The following NCOA1 variants were observed in gnomAD, a reference collection of about 807,000 sequenced individuals.
NCOA1 encodes the protein nuclear receptor coactivator 1.
In NCOA1, 35 loss-of-function variants were observed where a neutral mutation model predicts 150.9. The ratio of observed to expected loss-of-function variants is 0.23; its 90% CI spans 0.18 to 0.31. The LOEUF is 0.31. Among genes scored for constraint, NCOA1 ranks in the 10% least tolerant of loss-of-function variants. NCOA1 has a pLI of 1.00. For missense variants in NCOA1, 1,491 were observed against 1,749.3 expected, an observed-to-expected ratio of 0.85 and a Z score of 2.63; for synonymous variants, 590 against 630.0, an observed-to-expected ratio of 0.94 and a Z score of 0.95.
chr2:24,695,552 G>A (rs766127642), intron 10 of NCOA1, among the ~76,000 whole-genome samples: 2 of 152,080 alleles, frequency 1.3e-5, no homozygotes, highest in Non-Finnish European at 2.9e-5. Context: ...ATAAATCATA[G>A]AATTGACTTA....
chr2:24,502,111 C>T (rs995018772), intron 1 of NCOA1, among the ~76,000 whole-genome samples: 2 of 152,120 alleles, frequency 1.3e-5, no homozygotes, highest in Non-Finnish European at 2.9e-5. Flanking sequence ...CATCTATATC[C>T]CCCTAACCCC....
intron 10 of NCOA1, among the ~76,000 whole-genome samples, chr2:24,697,258 G>A (rs1672949320): frequency 6.6e-6 from 1 of 152,084 alleles, no homozygotes; most frequent in Non-Finnish European, 1.5e-5. Flanking sequence ...TCTTCACTTA[G>A]TAGTTAGAAA....
intron 1 of NCOA1, among the ~76,000 whole-genome samples, chr2:24,532,844 T>G (rs1447442802): frequency 6.6e-6 from 1 of 152,236 alleles, no homozygotes; most frequent in Non-Finnish European, 1.5e-5. Context: ...CATGCTGTTT[T>G]GGTTACTGTA....
At chr2:24,515,567 CT>C (rs1158074295) in intron 1 of NCOA1, among the ~76,000 whole-genome samples, 1 of 152,116 alleles carries the variant, frequency 6.6e-6, no homozygotes, top group Non-Finnish European at 1.5e-5. Flanking sequence ...TTTATCTCTA[CT>C]TTTGGCATTT....
At chr2:24,598,942 G>A (rs1376361943) in intron 3 of NCOA1, among the ~76,000 whole-genome samples, 2 of 152,048 alleles carry the variant, frequency 1.3e-5, no homozygotes, top group Non-Finnish European at 2.9e-5. Flanking sequence ...CATGTATGAT[G>A]GACTAGAGTG....
intron 1 of NCOA1, among the ~76,000 whole-genome samples, chr2:24,532,961 C>G (rs142301415): frequency 6.6e-6 from 1 of 151,860 alleles, no homozygotes; most frequent in Non-Finnish European, 1.5e-5. Context: ...ATATGAACTT[C>G]AAAGTAGTTT....
At chr2:24,518,946 T>A (rs1469245593) in intron 1 of NCOA1, among the ~76,000 whole-genome samples, 1 of 152,182 alleles carries the variant, frequency 6.6e-6, no homozygotes. Context: ...CTAGCAGGAA[T>A]TTTTTGGTAC....
At chr2:24,601,212 C>CT (rs1191500173) in intron 3 of NCOA1, among the ~76,000 whole-genome samples, 1 of 146,404 alleles carries the variant, frequency 6.8e-6, no homozygotes, top group Non-Finnish European at 1.5e-5. Context: ...TTAACATCTT[C>CT]TGTTTTTTTT....
chr2:24,507,342 A>G (rs1416035674), intron 1 of NCOA1, among the ~76,000 whole-genome samples: 4 of 152,006 alleles, frequency 2.6e-5, no homozygotes, highest in Admixed American at 6.5e-5. Flanking sequence ...ACCTGTCTCC[A>G]CAAGGTGGTT....
chr2:24,527,992 T>C (rs1440603081), intron 1 of NCOA1, among the ~76,000 whole-genome samples: 2 of 152,194 alleles, frequency 1.3e-5, no homozygotes, highest in African/African-American at 4.8e-5. Context: ...TTGAGGTCCT[T>C]TGCCCATTTT....
intron 4 of NCOA1, among the ~76,000 whole-genome samples, chr2:24,649,020 A>G (rs56222238): frequency 0.041 from 6,276 of 152,140 alleles, 162 homozygotes; most frequent in East Asian, 0.13. Context: ...TTTTCTGCCC[A>G]CTATTATCTG....
chr2:24,512,525 A>G (rs547111201), intron 1 of NCOA1, among the ~76,000 whole-genome samples: 27 of 152,340 alleles, frequency 1.8e-4, no homozygotes, highest in African/African-American at 6.5e-4. Context: ...TTCAGTTGGA[A>G]TGTTGCCCTT....
At chr2:24,576,816 C>T (rs926710972) in intron 2 of NCOA1, among the ~76,000 whole-genome samples, 1 of 152,152 alleles carries the variant, frequency 6.6e-6, no homozygotes, top group Non-Finnish European at 1.5e-5. Flanking sequence ...TGATGATAAA[C>T]AGATGATTTC....
intron 1 of NCOA1, among the ~76,000 whole-genome samples, chr2:24,552,321 T>TTTTATATATATATATATATA (rs1262879918): frequency 6.5e-5 from 2 of 30,584 alleles, no homozygotes; most frequent in African/African-American, 3.2e-4. Flanking sequence ...TTCATATATA[T>TTTTATATATATATATATATA]TATATATATA....
chr2:24,602,317 C>G (rs913489949), intron 3 of NCOA1, among the ~76,000 whole-genome samples: 1 of 152,162 alleles, frequency 6.6e-6, no homozygotes, highest in Non-Finnish European at 1.5e-5. Flanking sequence ...TCTCCCACCT[C>G]AGCCTCCCCA....
At chr2:24,629,888 C>T (rs918775946) in intron 3 of NCOA1, among the ~76,000 whole-genome samples, 11 of 145,692 alleles carry the variant, frequency 7.6e-5, no homozygotes, top group Non-Finnish European at 1.5e-4. Context: ...TTGTCGCCCA[C>T]GCTGGAGTCC....
chr2:24,661,785 G>T (rs1009550105), intron 5 of NCOA1, among the ~76,000 whole-genome samples: 2 of 152,032 alleles, frequency 1.3e-5, no homozygotes, highest in African/African-American at 4.8e-5. Flanking sequence ...TATGATAATT[G>T]CCTTGATATG....
At chr2:24,767,895 C>A in intron 22 of NCOA1, 1 of 536,792 alleles carries the variant, frequency 1.9e-6, no homozygotes, top group South Asian at 3.1e-5. Flanking sequence ...TAAAACCTAC[C>A]ACTGGATACC....
chr2:24,647,386 TCG>T (rs1368363931), intron 4 of NCOA1, among the ~76,000 whole-genome samples: 5 of 152,218 alleles, frequency 3.3e-5, no homozygotes, highest in Non-Finnish European at 7.4e-5. Flanking sequence ...CTCAGTTTTC[TCG>T]TCACTAACAT....
Sources: gnomAD v4.1 joint callset for allele counts (sites outside exome capture counted in the v4.1 genomes callset) on GRCh38, gnomAD v4.1.1 for gene constraint, MANE v1.5 for transcripts, NCBI Gene and HGNC (gene_info 2026-07-23, HGNC 2026-07-21) for gene names.